The following IRGM variants were observed in gnomAD, a reference collection of about 807,000 sequenced individuals.
IRGM encodes immunity related GTPase M, also known as immunity-related GTPase family M protein.
For missense variants in IRGM, 288 were observed against 219.9 expected (o/e 1.31, Z -1.96); for synonymous variants, 98 against 80.6 (o/e 1.22, Z -1.16).
chr5:150,896,299 C>A (rs772383878), intron 3 of IRGM: 1 of 1,613,472 alleles, frequency 6.2e-7, no homozygotes, highest in Admixed American at 1.7e-5. Context: ...CTCTGATGTA[C>A]AACAAGATGA....
intron 1 of IRGM, among the ~76,000 whole-genome samples, chr5:150,871,116 G>A (rs1253160023): frequency 4.6e-5 from 7 of 152,196 alleles, no homozygotes; most frequent in Non-Finnish European, 1.0e-4. Flanking sequence ...AGGTGAAACT[G>A]AAAGCAATGG....
chr5:150,855,022 T>G (rs1754031715), intron 1 of IRGM, among the ~76,000 whole-genome samples: 1 of 152,174 alleles, frequency 6.6e-6, no homozygotes, highest in Non-Finnish European at 1.5e-5. Flanking sequence ...TCTATAAAGT[T>G]ATTTAAACCA....
At chr5:150,856,339 G>A (rs1238374533) in intron 1 of IRGM, among the ~76,000 whole-genome samples, 1 of 152,146 alleles carries the variant, frequency 6.6e-6, no homozygotes, top group African/African-American at 2.4e-5. Flanking sequence ...GCTGAGGCAG[G>A]AGGATTGCTT....
At chr5:150,864,537 C>G (rs555715616) in intron 1 of IRGM, among the ~76,000 whole-genome samples, 2 of 152,322 alleles carry the variant, frequency 1.3e-5, no homozygotes, top group African/African-American at 4.8e-5. Context: ...ATTCAATCCT[C>G]TCACCTGCAG....
At chr5:150,890,702 C>A (rs1754596277) in intron 3 of IRGM, among the ~76,000 whole-genome samples, 1 of 151,870 alleles carries the variant, frequency 6.6e-6, no homozygotes, top group Admixed American at 6.6e-5. Flanking sequence ...CTTTTTGATT[C>A]ATTCTTTGAC....
chr5:150,886,580 CATT>C (rs1754525766), intron 3 of IRGM, among the ~76,000 whole-genome samples: 1 of 151,764 alleles, frequency 6.6e-6, no homozygotes, highest in Admixed American at 6.6e-5. Flanking sequence ...TTTCAGAGCT[CATT>C]ATTGGTCTGT....
intron 3 of IRGM, chr5:150,897,013 A>G (rs1456674867): frequency 1.3e-6 from 2 of 1,493,664 alleles, no homozygotes; most frequent in East Asian, 2.3e-5. Flanking sequence ...TCATCACAAG[A>G]GTCAATTAAG....
At chr5:150,878,746 T>C (rs7736554) in intron 2 of IRGM, among the ~76,000 whole-genome samples, 31,673 of 151,558 alleles carry the variant, frequency 0.21, 5,345 homozygotes, top group African/African-American at 0.45. Context: ...GTGTAATTAT[T>C]ATTATTGGAA....
chr5:150,895,794 A>G (rs1468712416), intron 3 of IRGM: 3 of 1,613,656 alleles, frequency 1.9e-6, no homozygotes, highest in Non-Finnish European at 2.5e-6. Flanking sequence ...TCTCTGATGT[A>G]TGATGAGCTG....
At chr5:150,876,969 A>G (rs1406324431) in intron 1 of IRGM, among the ~76,000 whole-genome samples, 1 of 141,252 alleles carries the variant, frequency 7.1e-6, no homozygotes, top group South Asian at 2.2e-4. Context: ...TATAAGATTT[A>G]TTGACTTTAT....
At chr5:150,882,958 C>A (rs1051108566) in intron 3 of IRGM, among the ~76,000 whole-genome samples, 2 of 151,988 alleles carry the variant, frequency 1.3e-5, no homozygotes, top group African/African-American at 4.8e-5. Flanking sequence ...CAATATAGAT[C>A]GTGTGTTCAC....
intron 1 of IRGM, among the ~76,000 whole-genome samples, chr5:150,860,134 T>A (rs1052601104): frequency 3.3e-5 from 5 of 152,228 alleles, no homozygotes; most frequent in Non-Finnish European, 7.3e-5. Context: ...TGTGATGCAA[T>A]GTCACAATTT....
downstream of IRGM, among the ~76,000 whole-genome samples, chr5:150,850,761 G>T (rs975170477): frequency 1.3e-5 from 2 of 152,090 alleles, no homozygotes; most frequent in African/African-American, 4.8e-5. Context: ...TCACTATGTT[G>T]CCAGACTGGT....
At chr5:150,859,749 T>C (rs1754109685) in intron 1 of IRGM, among the ~76,000 whole-genome samples, 1 of 152,228 alleles carries the variant, frequency 6.6e-6, no homozygotes, top group African/African-American at 2.4e-5. Context: ...TGGTAGTTTG[T>C]ATTTCTGTGG....
At chr5:150,865,116 A>G (rs1453479377) in intron 1 of IRGM, among the ~76,000 whole-genome samples, 3 of 152,224 alleles carry the variant, frequency 2.0e-5, no homozygotes, top group Non-Finnish European at 4.4e-5. Flanking sequence ...AAGGGAATAA[A>G]TGGAGTTAAA....
intron 1 of IRGM, among the ~76,000 whole-genome samples, chr5:150,856,094 T>C (rs1230605116): frequency 6.6e-6 from 1 of 152,066 alleles, no homozygotes; most frequent in African/African-American, 2.4e-5. Flanking sequence ...AAAGTATGTA[T>C]ATATATGTCC....
intron 3 of IRGM, among the ~76,000 whole-genome samples, chr5:150,893,527 G>T (rs1402115706): frequency 6.6e-6 from 1 of 152,142 alleles, no homozygotes; most frequent in Non-Finnish European, 1.5e-5. Flanking sequence ...GAGGAGTGAA[G>T]AATATGACTA....
At chr5:150,887,940 C>T (rs895077899) in intron 3 of IRGM, among the ~76,000 whole-genome samples, 1 of 151,078 alleles carries the variant, frequency 6.6e-6, no homozygotes, top group South Asian at 2.1e-4. Context: ...CACAATGACA[C>T]ACATCAACAA....
intron 3 of IRGM, chr5:150,896,966 C>T (rs767325795): frequency 5.6e-6 from 9 of 1,605,726 alleles, no homozygotes; most frequent in Non-Finnish European, 7.6e-6. Flanking sequence ...GAAGGTTACT[C>T]TTCCTGTCTA....
Sources: allele counts gnomAD v4.1 joint callset (sites outside exome capture counted in the v4.1 genomes callset), GRCh38; gene constraint gnomAD v4.1.1; transcripts MANE v1.5; gene names NCBI Gene and HGNC (gene_info 2026-07-23, HGNC 2026-07-21).